GRK3: variants seen among roughly 807,000 people sequenced by gnomAD.
GRK3 encodes the protein G protein-coupled receptor kinase 3.
Under a neutral mutation model 95.7 loss-of-function variants are expected in GRK3, and 54 were observed. The observed-to-expected ratio is 0.56, with a 90% CI of 0.45 to 0.71. The LOEUF (loss-of-function observed/expected upper bound fraction) is 0.71, where lower values mean the gene tolerates loss of function less well. GRK3 is among the 30% of genes least tolerant of loss of function. GRK3 has a pLI of 0.00. For missense variants in GRK3, 649 were observed against 851.2 expected, an observed-to-expected ratio of 0.76 and a Z score of 2.96; for synonymous variants, 281 against 290.8, an observed-to-expected ratio of 0.97 and a Z score of 0.34.
chr22:25,609,528 T>A (rs1252759471), intron 2 of GRK3, among the ~76,000 whole-genome samples: 4 of 151,848 alleles, frequency 2.6e-5, no homozygotes, highest in Admixed American at 2.6e-4. Context: ...GATGGGGTTT[T>A]GCCACGTTGG....
intron 6 of GRK3, among the ~76,000 whole-genome samples, 153 bp from the exon 7 acceptor site, chr22:25,672,143 G>A (rs928872378): frequency 6.6e-6 from 1 of 152,138 alleles, no homozygotes; most frequent in Non-Finnish European, 1.5e-5. Context: ...CCATGAATAC[G>A]GGTGAATGCT....
intron 5 of GRK3, among the ~76,000 whole-genome samples, chr22:25,664,000 C>G (rs1384538601): frequency 2.0e-5 from 3 of 152,172 alleles, no homozygotes; most frequent in Non-Finnish European, 4.4e-5. Flanking sequence ...AGTTTTTGCC[C>G]ATTTGACATT....
Position 25,722,474 on chromosome 22 carries a change from C to T in GRK3, c.*24C>T, listed in dbSNP as rs553855734. ...AGCACCCAGAAACAGGGAGGGTCCT[C>T]GAGGAGGACACACCAGGGTCTCAGC... On this transcript the variant is annotated 3_prime_UTR_variant, in exon 21 of 21. Coordinates refer to ENST00000324198, the MANE Select transcript of GRK3 (RefSeq NM_005160.4). The T allele has an allele frequency of 2.0e-4, 325 of 1,612,240 alleles. 2 individuals are homozygous for T. The South Asian group carries it at 2.3e-3, about 12-fold the overall frequency.
At chr22:25,635,592 T>C (rs1452831143) in intron 2 of GRK3, among the ~76,000 whole-genome samples, 2 of 152,222 alleles carry the variant, frequency 1.3e-5, no homozygotes, top group Non-Finnish European at 2.9e-5. Flanking sequence ...TTTTACTTTC[T>C]TGACCTTAAC....
intron 20 of GRK3, 119 bp from the exon 21 acceptor site, chr22:25,722,170 A>G: frequency 9.2e-7 from 1 of 1,083,184 alleles, no homozygotes; most frequent in Non-Finnish European, 1.4e-6. Flanking sequence ...CTGGGGGTGG[A>G]CACGTAGGGT....
chr22:25,569,635 T>C (rs1444446499), intron 1 of GRK3, among the ~76,000 whole-genome samples: 2 of 152,170 alleles, frequency 1.3e-5, no homozygotes, highest in Admixed American at 1.3e-4. Flanking sequence ...CACAGGTCTT[T>C]TTCAGTCAGT....
intron 6 of GRK3, among the ~76,000 whole-genome samples, chr22:25,671,415 CTT>C (rs1337043926): frequency 2.0e-5 from 3 of 152,148 alleles, no homozygotes; most frequent in African/African-American, 7.2e-5. Flanking sequence ...ATCAAAATGT[CTT>C]TGTTAAATAG....
At chr22:25,621,694 G>A (rs1380972355) in intron 2 of GRK3, among the ~76,000 whole-genome samples, 1 of 152,180 alleles carries the variant, frequency 6.6e-6, no homozygotes, top group Non-Finnish European at 1.5e-5. Context: ...TAGCTTTGAT[G>A]AAACTCTATT....
intron 12 of GRK3, among the ~76,000 whole-genome samples, chr22:25,694,637 C>T (rs1293208485): frequency 6.6e-6 from 1 of 152,148 alleles, no homozygotes; most frequent in Non-Finnish European, 1.5e-5. Context: ...AAGCCGATGC[C>T]CCTGTGAGCT....
intron 13 of GRK3, among the ~76,000 whole-genome samples, chr22:25,699,768 G>A (rs1317995118): frequency 6.8e-6 from 1 of 147,524 alleles, no homozygotes; most frequent in Non-Finnish European, 1.5e-5. Flanking sequence ...GTGCAATCTC[G>A]GCTCACTGCA....
chr22:25,695,686 C>T (rs2085201924), intron 13 of GRK3, among the ~76,000 whole-genome samples: 1 of 152,018 alleles, frequency 6.6e-6, no homozygotes, highest in Non-Finnish European at 1.5e-5. Context: ...CAAGTTCTCT[C>T]TCTGTTGCCT....
chr22:25,658,249 C>G (rs1364796081), intron 3 of GRK3, among the ~76,000 whole-genome samples: 2 of 152,148 alleles, frequency 1.3e-5, no homozygotes, highest in Admixed American at 1.3e-4. Context: ...ATAATTTTAG[C>G]TTGTATCTTG....
intron 2 of GRK3, among the ~76,000 whole-genome samples, chr22:25,625,413 C>G (rs191709765): frequency 6.6e-6 from 1 of 152,140 alleles, no homozygotes; most frequent in Non-Finnish European, 1.5e-5. Context: ...TCTGTTATGC[C>G]CAGACAGGGC....
chr22:25,638,938 A>G (rs1370956466), intron 2 of GRK3, among the ~76,000 whole-genome samples: 3 of 152,194 alleles, frequency 2.0e-5, no homozygotes, highest in South Asian at 2.1e-4. Flanking sequence ...ATGATGACCA[A>G]TGATGCTGAG....
intron 2 of GRK3, among the ~76,000 whole-genome samples, chr22:25,642,695 C>T (rs2084752112): frequency 1.3e-5 from 2 of 152,170 alleles, no homozygotes; most frequent in African/African-American, 2.4e-5. Context: ...TTAGCTCCCA[C>T]TTGTAAATGA....
chr22:25,641,684 T>C (rs1439985219), intron 2 of GRK3, among the ~76,000 whole-genome samples: 1 of 152,162 alleles, frequency 6.6e-6, no homozygotes, highest in Non-Finnish European at 1.5e-5. Flanking sequence ...GCTAGTGAGC[T>C]GTTCATTTAG....
intron 3 of GRK3, among the ~76,000 whole-genome samples, chr22:25,655,713 G>A (rs1292043808): frequency 1.3e-5 from 2 of 152,126 alleles, no homozygotes; most frequent in Admixed American, 6.5e-5. Flanking sequence ...AAACCCTGAA[G>A]TATCTACCTT....
chr22:25,583,706 G>T (rs1222186355), intron 1 of GRK3, among the ~76,000 whole-genome samples: 3 of 152,188 alleles, frequency 2.0e-5, no homozygotes, highest in African/African-American at 7.2e-5. Flanking sequence ...ATGAACAGAT[G>T]AGTTGTCTTT....
At chr22:25,650,479 A>C (rs1312733222) in intron 3 of GRK3, among the ~76,000 whole-genome samples, 1 of 152,228 alleles carries the variant, frequency 6.6e-6, no homozygotes, top group Non-Finnish European at 1.5e-5. Flanking sequence ...ATATGTCCTT[A>C]TGGTGATGGG....
Sources: gnomAD v4.1 joint callset for allele counts (sites outside exome capture counted in the v4.1 genomes callset) on GRCh38, gnomAD v4.1.1 for gene constraint, MANE v1.5 for transcripts, NCBI Gene and HGNC (gene_info 2026-07-23, HGNC 2026-07-21) for gene names.